BMPR1B: variants seen among roughly 807,000 people sequenced by gnomAD.
BMPR1B encodes the protein bone morphogenetic protein receptor type 1B.
A neutral mutation model predicts 59.1 loss-of-function variants in BMPR1B; 12 were observed. The observed-to-expected ratio is 0.20, with a 90% CI of 0.13 to 0.33. The LOEUF is 0.33. Among genes scored for constraint, BMPR1B ranks in the 10% least tolerant of loss-of-function variants. The pLI is 1.00. For synonymous variants in BMPR1B, 237 were observed against 207.3 expected, an observed-to-expected ratio of 1.14 and a Z score of -1.23; for missense variants, 550 against 610.9, an observed-to-expected ratio of 0.90 and a Z score of 1.05.
At chr4:95,055,714 A>G (rs114861005) in intron 3 of BMPR1B, among the ~76,000 whole-genome samples, 159 of 152,342 alleles carry the variant, frequency 1.0e-3, no homozygotes, top group African/African-American at 3.2e-3. Context: ...GTAATTGCCA[A>G]GTACAGACTG....
chr4:94,910,377 ATAG>A (rs1728227385), intron 2 of BMPR1B, among the ~76,000 whole-genome samples: 1 of 152,120 alleles, frequency 6.6e-6, no homozygotes, highest in African/African-American at 2.4e-5. Context: ...GTCTCAGGTG[ATAG>A]TAGTGCTTGG....
At chr4:94,878,278 C>T (rs1403655454) in intron 2 of BMPR1B, among the ~76,000 whole-genome samples, 1 of 151,992 alleles carries the variant, frequency 6.6e-6, no homozygotes, top group African/African-American at 2.4e-5. Context: ...TGTTAAAAAC[C>T]AAAATTGCAA....
intron 1 of BMPR1B, among the ~76,000 whole-genome samples, chr4:94,862,248 A>C (rs72887842): frequency 0.068 from 10,379 of 151,678 alleles, 896 homozygotes; most frequent in African/African-American, 0.21. Flanking sequence ...CTCCCAGGTT[A>C]AAGCGATTCT....
At chr4:95,069,893 AG>A (rs1420739087) in intron 3 of BMPR1B, among the ~76,000 whole-genome samples, 1 of 152,170 alleles carries the variant, frequency 6.6e-6, no homozygotes, top group Non-Finnish European at 1.5e-5. Flanking sequence ...TGAGGTTGGG[AG>A]TTCGTGACCA....
chr4:94,818,821 A>T (rs1724102528), intron 1 of BMPR1B, among the ~76,000 whole-genome samples: 1 of 152,156 alleles, frequency 6.6e-6, no homozygotes, highest in African/African-American at 2.4e-5. Context: ...ATAGAAAAGA[A>T]TATCAAGCCT....
chr4:95,136,552 C>T (rs988170619), intron 10 of BMPR1B, among the ~76,000 whole-genome samples: 17 of 151,882 alleles, frequency 1.1e-4, no homozygotes, highest in African/African-American at 3.4e-4. Flanking sequence ...GACTTTTTTT[C>T]GTTGGTAGGC....
intron 1 of BMPR1B, among the ~76,000 whole-genome samples, chr4:94,765,111 A>G (rs1721919636): frequency 1.3e-5 from 2 of 152,142 alleles, no homozygotes; most frequent in African/African-American, 2.4e-5. Flanking sequence ...TTGAATATTA[A>G]AAGCTTTTCC....
intron 2 of BMPR1B, among the ~76,000 whole-genome samples, chr4:94,980,430 T>C (rs1001640234): frequency 6.6e-6 from 1 of 151,922 alleles, no homozygotes; most frequent in African/African-American, 2.4e-5. Context: ...CATTGTTTTC[T>C]TCAGTGACAT....
At chr4:95,066,420 T>G (rs1727806384) in intron 3 of BMPR1B, among the ~76,000 whole-genome samples, 1 of 152,242 alleles carries the variant, frequency 6.6e-6, no homozygotes, top group Admixed American at 6.5e-5. Context: ...GTTTGTTTGT[T>G]GTGGTATTAA....
chr4:95,025,331 A>G (rs892857904), intron 3 of BMPR1B, among the ~76,000 whole-genome samples: 1 of 152,130 alleles, frequency 6.6e-6, no homozygotes, highest in Non-Finnish European at 1.5e-5. Context: ...TGTGTTTTCA[A>G]CTTTGTGGTC....
At chr4:95,042,010 C>A (rs1051684743) in intron 3 of BMPR1B, among the ~76,000 whole-genome samples, 1 of 152,128 alleles carries the variant, frequency 6.6e-6, no homozygotes, top group Non-Finnish European at 1.5e-5. Context: ...GCGCCAGCCA[C>A]CACGCCCGGC....
rs576407523 is a variant in BMPR1B at position 95,096,569 on chromosome 4, A to G, written c.-17-7839A>G. On this transcript the variant is annotated intron_variant, in intron 3 of 12. Transcript: ENST00000515059. ...ACAAACATCCTGTGAAAATAATTCT[A>G]TTGTTTATTTGCACGCCAAAAATCC... is the stretch of plus-strand genomic sequence containing the variant. 9.3e-4 allele frequency among the ~76,000 whole-genome samples: 141 copies of G among 150,932 alleles called. 1 individual carries two copies. Among genetic ancestry groups the G allele is most frequent in the Non-Finnish European group, 1.7e-3 (116 of 67,598 alleles).
At chr4:94,920,313 T>G (rs1034317110) in intron 2 of BMPR1B, among the ~76,000 whole-genome samples, 1 of 152,214 alleles carries the variant, frequency 6.6e-6, no homozygotes, top group Non-Finnish European at 1.5e-5. Flanking sequence ...TATTCTTTTA[T>G]TACTTTCTGA....
chr4:94,985,766 C>T (rs1596669), intron 2 of BMPR1B, among the ~76,000 whole-genome samples: 145,464 of 152,216 alleles, frequency 0.96, 69,536 homozygotes, highest in Middle Eastern at 0.99. Context: ...CATTCACACA[C>T]TGGGCTATTC....
intron 2 of BMPR1B, among the ~76,000 whole-genome samples, chr4:94,943,847 T>C (rs73838627): frequency 0.011 from 1,698 of 152,306 alleles, 26 homozygotes; most frequent in African/African-American, 0.035. Context: ...GTAAATTACA[T>C]AGTTGATTTC....
At chr4:95,121,078 G>A (rs1453261790) in intron 6 of BMPR1B, among the ~76,000 whole-genome samples, 2 of 152,150 alleles carry the variant, frequency 1.3e-5, no homozygotes, top group East Asian at 1.9e-4. Context: ...AAACTGCTGG[G>A]ATTACAGGCG....
chr4:94,855,406 C>G (rs974120013), intron 1 of BMPR1B, among the ~76,000 whole-genome samples: 1 of 152,192 alleles, frequency 6.6e-6, no homozygotes, highest in Admixed American at 6.5e-5. Context: ...GTTTCTCGGA[C>G]TCTACAGCAT....
chr4:94,791,912 C>T (rs546573924), intron 1 of BMPR1B, among the ~76,000 whole-genome samples: 23 of 152,080 alleles, frequency 1.5e-4, no homozygotes, highest in African/African-American at 4.1e-4. Flanking sequence ...ATTTCCTAAC[C>T]GCATCTTTGC....
intron 3 of BMPR1B, among the ~76,000 whole-genome samples, chr4:95,089,857 A>G (rs1355645040): frequency 6.6e-6 from 1 of 152,152 alleles, no homozygotes; most frequent in Non-Finnish European, 1.5e-5. Context: ...ATCATAAATT[A>G]TCAAAACTCT....
Sources: allele counts gnomAD v4.1 joint callset (sites outside exome capture counted in the v4.1 genomes callset), GRCh38; gene constraint gnomAD v4.1.1; transcripts MANE v1.5; gene names NCBI Gene and HGNC (gene_info 2026-07-23, HGNC 2026-07-21).